The following C19orf47 variants were observed in gnomAD, a reference collection of about 807,000 sequenced individuals.
C19orf47 encodes uncharacterized protein C19orf47.
In C19orf47, 18 loss-of-function variants were observed where a neutral mutation model predicts 32.3. The observed-to-expected ratio is 0.56, with a 90% confidence interval of 0.39 to 0.83. The LOEUF (loss-of-function observed/expected upper bound fraction) is 0.83. Among genes scored for constraint, C19orf47 ranks in the 40% least tolerant of loss-of-function variants. C19orf47 has a pLI of 0.00. For synonymous variants in C19orf47, 202 were observed against 211.1 expected (o/e 0.96, Z 0.37); for missense variants, 484 against 531.6 (o/e 0.91, Z 0.88).
At chr19:40,338,616 C>T (rs999046360) in intron 2 of C19orf47, among the ~76,000 whole-genome samples, 6 of 152,070 alleles carry the variant, frequency 3.9e-5, no homozygotes, top group Admixed American at 6.6e-5. Flanking sequence ...AACTCCTGAC[C>T]GTGTGATCCA....
downstream of C19orf47, among the ~76,000 whole-genome samples, chr19:40,319,361 A>G (rs1429650117): frequency 6.6e-6 from 1 of 152,054 alleles, no homozygotes; most frequent in Non-Finnish European, 1.5e-5. Context: ...TAAATAAATA[A>G]ACGGATGAGA....
the C19orf47 span, among the ~76,000 whole-genome samples, chr19:40,311,776 C>A: frequency 6.6e-6 from 1 of 151,938 alleles, no homozygotes; most frequent in Non-Finnish European, 1.5e-5. Flanking sequence ...CTGCCTCAGC[C>A]TCCTGAGCAG....
intron 1 of C19orf47, among the ~76,000 whole-genome samples, chr19:40,342,990 T>A (rs946634263): frequency 6.6e-6 from 1 of 152,160 alleles, no homozygotes; most frequent in African/African-American, 2.4e-5. Flanking sequence ...TAAGGACATA[T>A]TAGCACCAAT....
rs1324290379 is a variant in C19orf47 at position 40,326,500 on chromosome 19, G to A, written c.440-14C>T. On this transcript the variant is annotated splice_polypyrimidine_tract_variant and intron_variant, in intron 6 of 8. Coordinates refer to ENST00000683109, the MANE Select transcript of C19orf47 (RefSeq NM_001256441.2). ...GGGCCAGGGCTGCTGGGGGAAGAAA[G>A]CAGGGGTATCAGCACTCTCTGAGAC... The A allele has an allele frequency of 1.9e-6, 3 of 1,610,542 alleles. No homozygotes were observed. The highest frequency in any genetic ancestry group is 2.5e-6 in the Non-Finnish European group (3 of 1,179,842).
At chr19:40,297,852 C>T in the C19orf47 span, among the ~76,000 whole-genome samples, 2 of 139,542 alleles carry the variant, frequency 1.4e-5, no homozygotes, top group Middle Eastern at 4.5e-3. Flanking sequence ...CCAGGCCGAG[C>T]GACAGAGGTG....
the C19orf47 span, among the ~76,000 whole-genome samples, chr19:40,301,331 T>G: frequency 1.7e-4 from 25 of 149,062 alleles, no homozygotes; most frequent in Admixed American, 1.2e-3. Context: ...ATTTATTTAT[T>G]TATTTATTTA....
intron 7 of C19orf47, chr19:40,324,288 CA>C: frequency 1.0e-5 from 6 of 594,822 alleles, no homozygotes; most frequent in Non-Finnish European, 1.8e-5. Flanking sequence ...AGACCAGCTA[CA>C]AGTGGCAGAT....
chr19:40,303,758 C>G, the C19orf47 span, among the ~76,000 whole-genome samples: 1 of 139,068 alleles, frequency 7.2e-6, no homozygotes, highest in Non-Finnish European at 1.5e-5. Flanking sequence ...GAGCCGAGAT[C>G]GCATCACTGC....
chr19:40,302,029 T>C, the C19orf47 span, among the ~76,000 whole-genome samples: 2 of 150,998 alleles, frequency 1.3e-5, no homozygotes, highest in African/African-American at 2.4e-5. Context: ...GGCATGGTGG[T>C]GGGCACCTGT....
chr19:40,346,914 C>T (rs1370661593), intron 1 of C19orf47, among the ~76,000 whole-genome samples: 1 of 139,846 alleles, frequency 7.2e-6, no homozygotes, highest in East Asian at 2.1e-4. Context: ...TGGTTAAGTG[C>T]GATGTTAAGT....
At chr19:40,308,297 A>T in the C19orf47 span, among the ~76,000 whole-genome samples, 3 of 151,946 alleles carry the variant, frequency 2.0e-5, no homozygotes, top group Non-Finnish European at 4.4e-5. Context: ...CTGGGATTAC[A>T]GGCGCGTGTC....
the C19orf47 span, among the ~76,000 whole-genome samples, chr19:40,296,783 G>A: frequency 6.6e-6 from 1 of 151,800 alleles, no homozygotes; most frequent in Non-Finnish European, 1.5e-5. Context: ...GCGTGGTGGC[G>A]GGCATCTGTA....
the C19orf47 span, among the ~76,000 whole-genome samples, chr19:40,311,724 C>T: frequency 1.8e-4 from 28 of 151,950 alleles, no homozygotes; most frequent in Admixed American, 1.4e-3. Flanking sequence ...GGCACAATCT[C>T]GGCTCACTGC....
At chr19:40,316,214 A>G (rs2077660961), downstream of C19orf47, among the ~76,000 whole-genome samples, 1 of 152,158 alleles carries the variant, frequency 6.6e-6, no homozygotes, top group Non-Finnish European at 1.5e-5. Context: ...GCACTGGAGA[A>G]AGGGGGGCTG....
the C19orf47 span, among the ~76,000 whole-genome samples, chr19:40,311,918 A>T: frequency 6.6e-6 from 1 of 152,096 alleles, no homozygotes; most frequent in African/African-American, 2.4e-5. Flanking sequence ...TGGCCTCCCA[A>T]AGTGCAGGGA....
rs545972691 is a variant in C19orf47 at position 40,344,926 on chromosome 19, T to C, written c.-33-3036A>G. Among the ~76,000 whole-genome samples the C allele has an allele frequency of 3.9e-5, 6 of 152,282 alleles. No individual in the cohort carries two copies. In the South Asian group the frequency reaches 1.2e-3, roughly 32 times the overall value. ...AAGGCTGGGCACAGTGGCTCAGGCC[T>C]GTCATCCCAGCACTTTAGGGTCAGG... is the stretch of plus-strand genomic sequence containing the variant. On this transcript the variant is annotated intron_variant, in intron 1 of 8. Transcript: ENST00000683109.
Position 40,321,545 on chromosome 19 carries a change from C to A in C19orf47, c.*337G>T, listed in dbSNP as rs1462510464. 6.5e-6 allele frequency: 7 copies of A among 1,079,672 alleles called. No homozygotes were observed. Among genetic ancestry groups the A allele is most frequent in the Non-Finnish European group, 7.9e-6 (7 of 888,404 alleles). 66.9% of individuals were successfully genotyped at this position (1,079,672 alleles called of 1,614,324 possible). On this transcript the variant is annotated 3_prime_UTR_variant, in exon 9 of 9. Coordinates refer to ENST00000683109, the MANE Select transcript of C19orf47 (RefSeq NM_001256441.2). ...ATGAGCTGGGGTCTGAGGCAGCAGA[C>A]CCTGCTCAGGGGAAGAAGGGGAATG...
At chr19:40,331,889 T>C (rs2077961751) in intron 5 of C19orf47, among the ~76,000 whole-genome samples, 1 of 151,584 alleles carries the variant, frequency 6.6e-6, no homozygotes, top group Non-Finnish European at 1.5e-5. Context: ...ATAACAAAAA[T>C]TGGCTGGGCA....
At position 40,322,303 on chromosome 19, in the gene C19orf47, T is replaced by A; in HGVS notation, c.737A>T (p.Asp246Val). The A allele has an allele frequency of 6.2e-7, 1 of 1,608,554 alleles. No individual in the cohort carries two copies. Among genetic ancestry groups the A allele is most frequent in the Non-Finnish European group, 8.5e-7 (1 of 1,178,932 alleles). The change falls in exon 9 of 9, where the codon GAC becomes GTC. Residue 246 changes from aspartate (D) to valine (V), a missense_variant. Around this residue, in one of 3 missense-constraint regions of C19orf47, gnomAD observed 376 missense variants for 370.2 expected, o/e 1.02. Coordinates refer to ENST00000683109, the MANE Select transcript of C19orf47 (RefSeq NM_001256441.2). ...ATACTGCAAGACAGAGCTGCTGCTGTCATTGTCGCTGTCCCAAGCCAGATC... is the reference window on the plus strand; with the variant it reads ...ATACTGCAAGACAGAGCTGCTGCTGACATTGTCGCTGTCCCAAGCCAGATC... ...DEDLAWDSDN[D>V]SSSSVLQYAG... is the part of the protein sequence containing the mutation.
Sources: allele counts gnomAD v4.1 joint callset (sites outside exome capture counted in the v4.1 genomes callset), GRCh38; gene constraint gnomAD v4.1.1; regional missense constraint gnomAD v4.1.1; transcripts MANE v1.5; gene names NCBI Gene and HGNC (gene_info 2026-07-23, HGNC 2026-07-21).